Variants in EIF4A3 observed in about 807,000 individuals in gnomAD.
The protein encoded by EIF4A3 is eukaryotic initiation factor 4A-III.
Under a neutral mutation model 55.6 loss-of-function variants are expected in EIF4A3, and 1 was observed. The observed-to-expected ratio is 0.02, with a 90% CI of 0.01 to 0.09. The LOEUF (loss-of-function observed/expected upper bound fraction) is 0.09, where lower values mean the gene tolerates loss of function less well. Ranked by LOEUF, EIF4A3 falls within the 10% of genes least tolerant of loss-of-function variation. The pLI is 1.00. For missense variants in EIF4A3, 221 were observed against 540.7 expected (o/e 0.41, Z 5.86); for synonymous variants, 194 against 196.3 (o/e 0.99, Z 0.10).
At chr17:80,141,454 G>A in intron 3 of EIF4A3, 73 bp from the exon 4 acceptor site, 2 of 1,401,262 alleles carry the variant, frequency 1.4e-6, no homozygotes, top group Admixed American at 1.7e-5. Context: ...TTCACACTCA[G>A]ATCTATATGA....
chr17:80,138,640 T>C (rs991113744), intron 7 of EIF4A3: 1 of 329,954 alleles, frequency 3.0e-6, no homozygotes, highest in East Asian at 6.3e-5. Flanking sequence ...TCTGTTGCCC[T>C]GGCTGAAGTA....
intron 2 of EIF4A3, among the ~76,000 whole-genome samples, chr17:80,142,833 G>A (rs145428504): frequency 5.3e-5 from 8 of 152,082 alleles, no homozygotes; most frequent in Non-Finnish European, 1.2e-4. Context: ...ATTGCCAGGA[G>A]TTTGAGAGCA....
chr17:80,142,478 G>A (rs925826837), intron 2 of EIF4A3, among the ~76,000 whole-genome samples: 2 of 152,156 alleles, frequency 1.3e-5, no homozygotes, highest in Non-Finnish European at 2.9e-5. Flanking sequence ...ACGGCGTGGT[G>A]GCTCAGGCCT....
Position 80,136,009 on chromosome 17 carries a change from A to G in EIF4A3, c.1214T>C (p.Met405Thr). ...AGAGCTGGACGATTTCCTACCGTTC[A>G]TCGGCATCTCATCAATCTGAGTGGA... ...YYSTQIDEMP[M>T]NVADLI Residue 405 changes from methionine (M) to threonine (T), a missense_variant, in exon 11 of 12, where the codon ATG (methionine) becomes ACG (threonine). Met to Thr is a moderately conservative substitution (Grantham distance 81). Coordinates refer to ENST00000649764, the MANE Select transcript of EIF4A3 (RefSeq NM_014740.4). 1 of 1,613,918 alleles carries G rather than the reference A, an allele frequency of 6.2e-7. No individual in the cohort carries two copies. Among genetic ancestry groups the G allele is most frequent in the Non-Finnish European group, 8.5e-7 (1 of 1,180,028 alleles).
chr17:80,141,009 C>A (rs995852460), intron 4 of EIF4A3, among the ~76,000 whole-genome samples: 6 of 152,082 alleles, frequency 3.9e-5, no homozygotes, highest in Non-Finnish European at 8.8e-5. Flanking sequence ...GTTGACCAGG[C>A]TGGTCTCAAA....
At position 80,139,047 on chromosome 17, in the gene EIF4A3, G is replaced by A. The variant is rs574463592; in HGVS notation, c.702C>T (p.Thr234=). Residue 234 remains threonine, a synonymous_variant, in exon 7 of 12, where the codon ACC becomes ACT. Coordinates refer to ENST00000649764, the MANE Select transcript of EIF4A3 (RefSeq NM_014740.4). ...EILEMTNKFM[T]DPIRILVKRD... ...GTTTCACCAAGATGCGGATTGGGTC[G>A]GTCATGAACTTGTTGGTCATCTCCA... is the stretch of plus-strand genomic sequence containing the variant. 22 of 1,613,896 alleles carry A rather than the reference G, an allele frequency of 1.4e-5. No homozygotes were observed. The highest frequency in any genetic ancestry group is 4.5e-5 in the East Asian group (2 of 44,868).
chr17:80,137,290 C>A lies in EIF4A3; in HGVS notation c.983+96G>T. The A allele has an allele frequency of 6.5e-6, 7 of 1,079,380 alleles. No individual in the cohort carries two copies. The South Asian group carries it at 1.2e-4, about 18-fold the overall frequency. 66.9% of individuals were successfully genotyped at this position (1,079,380 alleles called of 1,614,324 possible). A position where few individuals can be genotyped will look rare whatever the true frequency, so the allele number is the denominator to read the frequency against. On this transcript the variant is annotated intron_variant, in intron 9 of 11. Transcript: ENST00000649764. ...TTTCAGAGCAGAAGCTTGGCATCCC[C>A]CCGGGTGTGGGGCCTGCACTTAGGC...
intron 2 of EIF4A3, 113 bp downstream of exon 2, chr17:80,144,059 G>C: frequency 1.0e-6 from 1 of 983,634 alleles, no homozygotes; most frequent in Non-Finnish European, 1.6e-6. Flanking sequence ...GTCAGGGAAA[G>C]TGTTGGAACT....
rs1328506324 is a variant in EIF4A3 at position 80,138,606 on chromosome 17, GTT to G, written c.729-328_729-327del. The stretch of plus-strand genomic sequence containing the variant: ...AGGATTATAAAAGATGGGTTGTTTT[GTT>G]TTGTTTGAGACAGGGTCTTGCTCTG... On this transcript the variant is annotated intron_variant, in intron 7 of 11. Coordinates refer to ENST00000649764, the MANE Select transcript of EIF4A3 (RefSeq NM_014740.4). 5.7e-5 allele frequency: 20 copies of G among 353,844 alleles called. No homozygotes were observed. The East Asian group carries it at 9.4e-4, about 17-fold the overall frequency. The allele number at this position is 353,844 out of a possible 1,614,324, so 21.9% of individuals were successfully genotyped here.
chr17:80,137,693 T>A, intron 8 of EIF4A3, 192 bp from the exon 9 acceptor site: 1 of 556,762 alleles, frequency 1.8e-6, no homozygotes, highest in Non-Finnish European at 3.2e-6. Flanking sequence ...CACAAAACCC[T>A]CTTACTTCAT....
At chr17:80,136,546 G>C (rs117136018) in intron 9 of EIF4A3, 12 of 557,674 alleles carry the variant, frequency 2.2e-5, no homozygotes, top group East Asian at 2.0e-4. Flanking sequence ...TAGTTACTTC[G>C]GTCATGTGCT....
At chr17:80,146,495 T>C (rs1179133057) in intron 1 of EIF4A3, among the ~76,000 whole-genome samples, 2 of 152,066 alleles carry the variant, frequency 1.3e-5, no homozygotes, top group Non-Finnish European at 1.5e-5. Flanking sequence ...AGCTAATAGG[T>C]AGAAATCAGT....
At chr17:80,138,401 AC>A in intron 7 of EIF4A3, 121 bp from the exon 8 acceptor site, 1 of 1,242,770 alleles carries the variant, frequency 8.0e-7, no homozygotes, top group Non-Finnish European at 1.1e-6. Flanking sequence ...TCTGGTGCAG[AC>A]CCAGCAGCCC....
Position 80,146,712 on chromosome 17 carries a change from G to A in EIF4A3, c.169+81C>T. On this transcript the variant is annotated intron_variant, in intron 1 of 11. Coordinates refer to ENST00000649764, the MANE Select transcript of EIF4A3 (RefSeq NM_014740.4). ...GACCTCCGGAGCGCAGGGCCGGCCC[G>A]GGAGTCACCAGTCTGGCCCTCAGCC... The A allele has an allele frequency of 1.0e-5, 15 of 1,495,818 alleles. No individual in the cohort carries two copies. In the South Asian group the frequency reaches 1.5e-4, roughly 15 times the overall value. 92.7% of individuals were successfully genotyped at this position (1,495,818 alleles called of 1,614,324 possible).
intron 1 of EIF4A3, among the ~76,000 whole-genome samples, chr17:80,145,573 A>C (rs138281907): frequency 6.6e-6 from 1 of 152,156 alleles, no homozygotes; most frequent in Non-Finnish European, 1.5e-5. Context: ...AAGGAAAAGG[A>C]AGAAAGAAAA....
chr17:80,135,880 G>A, intron 11 of EIF4A3, 124 bp downstream of exon 11: 2 of 1,352,518 alleles, frequency 1.5e-6, no homozygotes, highest in African/African-American at 1.5e-5. Flanking sequence ...GGGTGACAGA[G>A]CGAAACTTCG....
intron 2 of EIF4A3, among the ~76,000 whole-genome samples, chr17:80,143,967 G>A (rs182912069): frequency 1.3e-5 from 2 of 152,262 alleles, no homozygotes; most frequent in Admixed American, 6.5e-5. Context: ...GCAACAGAGC[G>A]AGACTCCATC....
intron 4 of EIF4A3, chr17:80,140,485 G>T: frequency 5.2e-6 from 1 of 191,874 alleles, no homozygotes; most frequent in South Asian, 9.3e-5. Flanking sequence ...GGCTAATTTT[G>T]TTTTTGTATT....
rs746004605 is a variant in EIF4A3, at chr17:80,141,408, G to A, written c.310-27C>T. On this transcript the variant is annotated intron_variant, in intron 3 of 11. Transcript: ENST00000649764. ...TGGTGAAATAATTTATCAGAAAATA[G>A]AGAATCCGCAGTATTATCAAAGTGG... The A allele has an allele frequency of 2.5e-6, 4 of 1,608,370 alleles. No homozygotes were observed. In the East Asian group the frequency reaches 8.9e-5, roughly 36 times the overall value.
Sources: gnomAD v4.1 joint callset for allele counts (sites outside exome capture counted in the v4.1 genomes callset) on GRCh38, gnomAD v4.1.1 for gene constraint, MANE v1.5 for transcripts, NCBI Gene and HGNC (gene_info 2026-07-23, HGNC 2026-07-21) for gene names.